Variants in MCMDC2 observed in about 807,000 individuals in gnomAD.
The protein encoded by MCMDC2 is minichromosome maintenance domain-containing protein 2.
A neutral mutation model predicts 75.8 loss-of-function variants in MCMDC2; 54 were observed. The ratio of observed to expected loss-of-function variants is 0.71; its 90% CI spans 0.57 to 0.89. The LOEUF is 0.89. Ranked by LOEUF, MCMDC2 falls within the 40% of genes least tolerant of loss-of-function variation. The pLI is 0.00. For synonymous variants in MCMDC2, 249 were observed against 274.6 expected (o/e 0.91, Z 0.92); for missense variants, 656 against 780.4 (o/e 0.84, Z 1.90).
chr8:66,907,952 G>T (rs1318335810), intron 14 of MCMDC2, among the ~76,000 whole-genome samples: 1 of 151,864 alleles, frequency 6.6e-6, no homozygotes, highest in Non-Finnish European at 1.5e-5. Context: ...TAAGTTCCTT[G>T]TAGATTCTGG....
intron 1 of MCMDC2, among the ~76,000 whole-genome samples, chr8:66,872,826 C>A (rs748142245): frequency 6.6e-6 from 1 of 151,970 alleles, no homozygotes; most frequent in Admixed American, 6.6e-5. Flanking sequence ...GGCCGGGTGA[C>A]ACATGCCTAT....
chr8:66,870,776 T>C lies in MCMDC2; in HGVS notation c.-144T>C, dbSNP rs1810972014. 6.6e-6 allele frequency: 1 copy of C among 152,182 alleles called. No individual in the cohort carries two copies. The highest frequency in any genetic ancestry group is 6.5e-5 in the Admixed American group (1 of 15,284). 9.4% of individuals were successfully genotyped at this position (152,182 alleles called of 1,614,324 possible). A position where few individuals can be genotyped will look rare whatever the true frequency, so the allele number is the denominator to read the frequency against. On this transcript the variant is annotated 5_prime_UTR_variant, in exon 1 of 15. Transcript: ENST00000422365. ...GACGTGCGCGCATGCGCGCTAGGAC[T>C]CCGCTCCGCCTACGCTGCAGGCGGA... is the stretch of plus-strand genomic sequence containing the variant.
chr8:66,909,388 TGA>T (rs1813020485), intron 14 of MCMDC2, among the ~76,000 whole-genome samples: 1 of 152,308 alleles, frequency 6.6e-6, no homozygotes, highest in African/African-American at 2.4e-5. Flanking sequence ...CTTTGTAACT[TGA>T]CAACAGGCAG....
chr8:66,921,503 C>G lies in MCMDC2; in HGVS notation c.*2334C>G, dbSNP rs1280773242. 1 of 152,216 alleles carries G rather than the reference C, an allele frequency of 6.6e-6. No individual in the cohort carries two copies. Among genetic ancestry groups the G allele is most frequent in the African/African-American group, 2.4e-5 (1 of 41,450 alleles). The allele number at this position is 152,216 out of a possible 1,614,324, so 9.4% of individuals were successfully genotyped here. On this transcript the variant is annotated 3_prime_UTR_variant, in exon 15 of 15. Coordinates refer to ENST00000422365, the MANE Select transcript of MCMDC2 (RefSeq NM_173518.5). ...ACTCAACAGGAGAAAAGATTTAGCT[C>G]TAAACCTTCACCCAGATATAAATTC...
At chr8:66,925,120 T>C (rs73691155), downstream of MCMDC2, among the ~76,000 whole-genome samples, 2,678 of 152,256 alleles carry the variant, frequency 0.018, 77 homozygotes, top group African/African-American at 0.06. Flanking sequence ...GCACGAAGCC[T>C]CCCGACGGTC....
At chr8:66,912,742 A>G (rs1016594491) in intron 14 of MCMDC2, among the ~76,000 whole-genome samples, 2 of 152,188 alleles carry the variant, frequency 1.3e-5, no homozygotes, top group African/African-American at 4.8e-5. Flanking sequence ...CAATGAGAAC[A>G]CATGGACACA....
Position 66,917,510 on chromosome 8 carries a change from C to T in MCMDC2, c.1880-1493C>T, listed in dbSNP as rs1813368864. 2.0e-5 allele frequency among the ~76,000 whole-genome samples: 3 copies of T among 152,270 alleles called. No homozygotes were observed. In the South Asian group the frequency reaches 6.2e-4, roughly 32 times the overall value. ...TTGGGCAACCATCACCACCCTTCGTCGCCAGAGCTTTTTCATCTTCCCAAA... is the reference window on the plus strand; with the variant it reads ...TTGGGCAACCATCACCACCCTTCGTTGCCAGAGCTTTTTCATCTTCCCAAA... On this transcript the variant is annotated intron_variant, in intron 14 of 14. Coordinates refer to ENST00000422365, the MANE Select transcript of MCMDC2 (RefSeq NM_173518.5).
Position 66,879,993 on chromosome 8 carries a change from C to A in MCMDC2, c.710-856C>A, listed in dbSNP as rs1811484378. Among the ~76,000 whole-genome samples the A allele has an allele frequency of 1.3e-5, 2 of 152,182 alleles. 1 individual carries two copies. The highest frequency in any genetic ancestry group is 4.1e-4 in the South Asian group (2 of 4,834). On this transcript the variant is annotated intron_variant, in intron 7 of 14. Transcript: ENST00000422365. ...CTTTCTTTCATAGCTTTACAACCAA[C>A]CAACTTCTAACTGTGGAATGGAGGA...
intron 4 of MCMDC2, among the ~76,000 whole-genome samples, chr8:66,876,596 C>A (rs748399866): frequency 8.5e-5 from 13 of 152,098 alleles, no homozygotes; most frequent in Non-Finnish European, 1.6e-4. Flanking sequence ...TATTTTCTAT[C>A]CCAGGCCTGA....
intron 14 of MCMDC2, 39 bp from the exon 15 acceptor site, chr8:66,918,964 A>G (rs1226677440): frequency 7.3e-7 from 1 of 1,372,856 alleles, no homozygotes. Context: ...CATTTTAAGG[A>G]GTATTTGTCA....
intron 13 of MCMDC2, among the ~76,000 whole-genome samples, chr8:66,902,709 AAAATAT>A (rs1459710717): frequency 5.4e-3 from 570 of 105,884 alleles, no homozygotes; most frequent in South Asian, 0.014. Context: ...AAAAAAAAAA[AAAATAT>A]ATATATATAT....
chr8:66,872,728 C>T (rs368658732), intron 1 of MCMDC2, among the ~76,000 whole-genome samples: 4 of 151,930 alleles, frequency 2.6e-5, no homozygotes, highest in Admixed American at 6.6e-5. Context: ...GAGGCCAAGG[C>T]GGGCAGATCA....
intron 8 of MCMDC2, among the ~76,000 whole-genome samples, chr8:66,882,005 A>G (rs1311363362): frequency 2.6e-5 from 4 of 152,232 alleles, no homozygotes; most frequent in Non-Finnish European, 5.9e-5. Flanking sequence ...GAGAAAACAA[A>G]GGAGGCAGAC....
At chr8:66,925,233 G>A (rs1395890541), downstream of MCMDC2, among the ~76,000 whole-genome samples, 4 of 152,356 alleles carry the variant, frequency 2.6e-5, no homozygotes, top group East Asian at 7.7e-4. Context: ...CTTCCAGGTG[G>A]TTACTCACAA....
In MCMDC2 at chr8:66,921,112, G is replaced by A. The variant is rs1345301608; in HGVS notation, c.*1943G>A. The A allele has an allele frequency of 1.3e-5, 2 of 152,020 alleles. No individual in the cohort carries two copies. The highest frequency in any genetic ancestry group is 2.4e-5 in the African/African-American group (1 of 41,392). 9.4% of individuals were successfully genotyped at this position (152,020 alleles called of 1,614,324 possible). On this transcript the variant is annotated 3_prime_UTR_variant, in exon 15 of 15. Coordinates refer to ENST00000422365, the MANE Select transcript of MCMDC2 (RefSeq NM_173518.5). Reference sequence around the variant, plus strand: ...AAACCCAACCTCAGTCTCAAAGATGGTTACTTCACCACAAAAAAATTAAAA... The same window carrying A: ...AAACCCAACCTCAGTCTCAAAGATGATTACTTCACCACAAAAAAATTAAAA...
chr8:66,875,041 A>AC (rs1340552559), intron 4 of MCMDC2, among the ~76,000 whole-genome samples: 1 of 152,174 alleles, frequency 6.6e-6, no homozygotes, highest in Non-Finnish European at 1.5e-5. Flanking sequence ...GGCGTGAGCC[A>AC]CCGCGCCTGG....
At chr8:66,924,041 T>C (rs921980910), downstream of MCMDC2, among the ~76,000 whole-genome samples, 12 of 152,068 alleles carry the variant, frequency 7.9e-5, no homozygotes, top group African/African-American at 2.7e-4. Flanking sequence ...ATTGGTAATA[T>C]TATAGTTCTC....
At chr8:66,871,856 C>T (rs1811035080) in intron 1 of MCMDC2, among the ~76,000 whole-genome samples, 1 of 151,590 alleles carries the variant, frequency 6.6e-6, no homozygotes, top group Admixed American at 6.6e-5. Context: ...GCCGAGATCA[C>T]GCCACTGCAA....
chr8:66,923,754 G>A (rs1813634576), downstream of MCMDC2, among the ~76,000 whole-genome samples: 1 of 152,046 alleles, frequency 6.6e-6, no homozygotes, highest in African/African-American at 2.4e-5. Flanking sequence ...TGGGCATGAT[G>A]GTGGGTGCCT....
Sources: gnomAD v4.1 joint callset for allele counts (sites outside exome capture counted in the v4.1 genomes callset) on GRCh38, gnomAD v4.1.1 for gene constraint, MANE v1.5 for transcripts, NCBI Gene and HGNC (gene_info 2026-07-23, HGNC 2026-07-21) for gene names.